DTNBP1: variants seen among roughly 807,000 people sequenced by gnomAD.
The protein encoded by DTNBP1 is dystrobrevin binding protein 1.
DTNBP1 carries 35 observed loss-of-function variants against 42.8 expected under a neutral mutation model. The ratio of observed to expected loss-of-function variants is 0.82; its 90% CI spans 0.63 to 1.09. DTNBP1 has a LOEUF of 1.09. Ranked by LOEUF, DTNBP1 falls within the 50% of genes least tolerant of loss-of-function variation. DTNBP1 has a pLI of 0.00. For synonymous variants in DTNBP1, 171 were observed against 162.2 expected (o/e 1.05, Z -0.41); for missense variants, 457 against 424.2 (o/e 1.08, Z -0.68).
chr6:15,603,808 C>G (rs1025861462), intron 6 of DTNBP1, among the ~76,000 whole-genome samples: 1 of 152,150 alleles, frequency 6.6e-6, no homozygotes, highest in African/African-American at 2.4e-5. Flanking sequence ...ATGAGTTTTC[C>G]CAGTCCGACT....
rs143136039 is a variant in DTNBP1, at chr6:15,600,761, G to T, written c.489-7680C>A. ...AGATTATGAAGACTCCCATATTTGT[G>T]GCCTGGATAAATCTGTAGTGATGGT... On this transcript the variant is annotated intron_variant, in intron 6 of 9. Transcript: ENST00000344537. Among the ~76,000 whole-genome samples the T allele has an allele frequency of 5.8e-4, 88 of 152,308 alleles. 1 individual carries two copies. Among genetic ancestry groups the T allele is most frequent in the Middle Eastern group, 3.4e-3 (1 of 294 alleles).
chr6:15,635,189 G>A (rs1759937735), intron 4 of DTNBP1, among the ~76,000 whole-genome samples: 1 of 152,056 alleles, frequency 6.6e-6, no homozygotes, highest in African/African-American at 2.4e-5. Flanking sequence ...CATGATCTCG[G>A]CTCATTGCAA....
intron 6 of DTNBP1, among the ~76,000 whole-genome samples, chr6:15,603,647 T>C (rs1287787773): frequency 6.6e-6 from 1 of 152,238 alleles, no homozygotes; most frequent in Non-Finnish European, 1.5e-5. Context: ...TTGTTTGTTA[T>C]ACAGTTAATT....
chr6:15,620,786 AG>A (rs1758999646), intron 5 of DTNBP1, among the ~76,000 whole-genome samples: 1 of 152,224 alleles, frequency 6.6e-6, no homozygotes, highest in African/African-American at 2.4e-5. Context: ...GTTAAGAGCT[AG>A]GCTTTGAAGC....
At chr6:15,623,607 T>C (rs934863375) in intron 5 of DTNBP1, among the ~76,000 whole-genome samples, 1 of 152,078 alleles carries the variant, frequency 6.6e-6, no homozygotes, top group Non-Finnish European at 1.5e-5. Flanking sequence ...CTGTTCTAGA[T>C]GAAGGGAACA....
intron 3 of DTNBP1, among the ~76,000 whole-genome samples, chr6:15,646,163 T>C (rs1760667058): frequency 6.6e-6 from 1 of 150,796 alleles, no homozygotes; most frequent in African/African-American, 2.4e-5. Context: ...AAAATAAAAA[T>C]TAAAAAATAA....
At chr6:15,531,909 G>A (rs1772858585) in intron 8 of DTNBP1, among the ~76,000 whole-genome samples, 1 of 152,250 alleles carries the variant, frequency 6.6e-6, no homozygotes, top group Non-Finnish European at 1.5e-5. Context: ...TGGGATTATA[G>A]GCGTATGCCA....
chr6:15,586,031 C>G (rs1561975771), intron 7 of DTNBP1: 8 of 1,180,506 alleles, frequency 6.8e-6, no homozygotes, highest in Non-Finnish European at 8.4e-6. Flanking sequence ...ATGCACCGGT[C>G]TGGGACCATA....
chr6:15,569,289 G>T (rs1348956187), intron 7 of DTNBP1, among the ~76,000 whole-genome samples: 2 of 152,038 alleles, frequency 1.3e-5, no homozygotes, highest in Non-Finnish European at 2.9e-5. Flanking sequence ...ACTTTTTAAA[G>T]AATTGCTTAA....
At chr6:15,585,656 C>T in intron 7 of DTNBP1, 1 of 1,512,046 alleles carries the variant, frequency 6.6e-7, no homozygotes, top group South Asian at 1.2e-5. Context: ...TGTATCCAGG[C>T]ATGGAAATAA....
chr6:15,591,790 G>GT (rs1167074293), intron 7 of DTNBP1, among the ~76,000 whole-genome samples: 2 of 151,966 alleles, frequency 1.3e-5, no homozygotes, highest in Non-Finnish European at 2.9e-5. Context: ...TAACTTGATT[G>GT]TTTTTTTCAT....
chr6:15,606,658 A>G (rs1185258142), intron 6 of DTNBP1, among the ~76,000 whole-genome samples: 7 of 152,298 alleles, frequency 4.6e-5, no homozygotes, highest in African/African-American at 1.7e-4. Context: ...ACCTTCATCC[A>G]GTGTTCTGGC....
At chr6:15,615,604 G>A (rs1758674613) in intron 5 of DTNBP1, among the ~76,000 whole-genome samples, 1 of 152,094 alleles carries the variant, frequency 6.6e-6, no homozygotes, top group African/African-American at 2.4e-5. Flanking sequence ...TACATTTCAA[G>A]CATTTTCAAG....
intron 7 of DTNBP1, among the ~76,000 whole-genome samples, chr6:15,563,693 C>G (rs1370969006): frequency 6.6e-6 from 1 of 152,174 alleles, no homozygotes; most frequent in African/African-American, 2.4e-5. Context: ...ATCTCTCTGT[C>G]CCATGACTTC....
chr6:15,617,662 G>A (rs944953216), intron 5 of DTNBP1, among the ~76,000 whole-genome samples: 1 of 151,770 alleles, frequency 6.6e-6, no homozygotes, highest in South Asian at 2.1e-4. Flanking sequence ...TGGGATAAGC[G>A]AATATCCATA....
intron 3 of DTNBP1, among the ~76,000 whole-genome samples, chr6:15,642,231 A>G (rs1290345873): frequency 1.3e-5 from 2 of 152,214 alleles, no homozygotes; most frequent in East Asian, 3.9e-4. Flanking sequence ...TTTTGGTGGC[A>G]GCCCTCAGAG....
In DTNBP1 at chr6:15,615,067, T is replaced by TCTCCTG. The variant is rs1284533082; in HGVS notation, c.488+194_488+199dup. 2.8e-5 allele frequency: 22 copies of TCTCCTG among 774,240 alleles called. No homozygotes were observed. In the East Asian group the frequency reaches 6.2e-4, roughly 22 times the overall value. 48.0% of individuals were successfully genotyped at this position (774,240 alleles called of 1,614,324 possible). On this transcript the variant is annotated intron_variant, in intron 6 of 9. Transcript: ENST00000344537. ...TATATTTGGGATTCATGTTTTACCT[T>TCTCCTG]CTCCTGAGTTTTTTATAACTCATCT...
intron 7 of DTNBP1, among the ~76,000 whole-genome samples, chr6:15,589,379 T>TC (rs1776204417): frequency 6.6e-6 from 1 of 152,228 alleles, no homozygotes; most frequent in Admixed American, 6.5e-5. Context: ...AAAGTGTTCT[T>TC]CCCCTTTACG....
intron 7 of DTNBP1, among the ~76,000 whole-genome samples, chr6:15,563,862 T>G (rs1385104220): frequency 4.6e-5 from 7 of 152,054 alleles, no homozygotes; most frequent in South Asian, 2.1e-4. Context: ...ACACCTGAAG[T>G]CAGGAGTTCG....
Sources: gnomAD v4.1 joint callset for allele counts (sites outside exome capture counted in the v4.1 genomes callset) on GRCh38, gnomAD v4.1.1 for gene constraint, MANE v1.5 for transcripts, NCBI Gene and HGNC (gene_info 2026-07-23, HGNC 2026-07-21) for gene names.